LMOD1: variants seen among roughly 807,000 people sequenced by gnomAD.
LMOD1 encodes leiomodin 1, also known as leiomodin-1.
LMOD1 carries 8 observed loss-of-function variants against 36.5 expected under a neutral mutation model. That is an observed-to-expected ratio of 0.22 (90% CI 0.13 to 0.40). The LOEUF (loss-of-function observed/expected upper bound fraction) is 0.40, where lower values mean the gene tolerates loss of function less well. LMOD1 is among the 10% of genes least tolerant of loss of function. The pLI, the probability that LMOD1 is intolerant of heterozygous loss-of-function variation, is 1.00. For missense variants in LMOD1, 630 were observed against 751.1 expected, an observed-to-expected ratio of 0.84 and a Z score of 1.88; for synonymous variants, 284 against 288.7, an observed-to-expected ratio of 0.98 and a Z score of 0.17.
chr1:201,901,511 A>AAATATAT (rs1242266721), intron 1 of LMOD1, among the ~76,000 whole-genome samples: 1 of 75,226 alleles, frequency 1.3e-5, no homozygotes, highest in African/African-American at 7.3e-5. Context: ...TCAAAAAAAA[A>AAATATAT]ATATATATAT....
Position 201,896,627 on chromosome 1 carries a change from G to A in LMOD1, c.*1745C>T, listed in dbSNP as rs1681199721. Reference sequence around the variant, plus strand: ...CAGTGCCCAGCAGGCACAGGGGGGTGCAGTGGGACTGACAGTGAGGGCTGA... The same window carrying A: ...CAGTGCCCAGCAGGCACAGGGGGGTACAGTGGGACTGACAGTGAGGGCTGA... On this transcript the variant is annotated 3_prime_UTR_variant, in exon 3 of 3. Transcript: ENST00000367288. The A allele has an allele frequency of 2.2e-6, 1 of 456,778 alleles. No homozygotes were observed. The highest frequency in any genetic ancestry group is 1.5e-5 in the South Asian group (1 of 64,570). The allele number at this position is 456,778 out of a possible 1,614,324, so 28.3% of individuals were successfully genotyped here. A position where few individuals can be genotyped will look rare whatever the true frequency, so the allele number is the denominator to read the frequency against.
chr1:201,928,377 C>T (rs1681864287), intron 1 of LMOD1, among the ~76,000 whole-genome samples: 1 of 152,232 alleles, frequency 6.6e-6, no homozygotes, highest in African/African-American at 2.4e-5. Context: ...TTGCTCCAGC[C>T]TCACTACTTG....
chr1:201,928,224 C>T lies in LMOD1; in HGVS notation c.261+17856G>A, dbSNP rs952908057. Among the ~76,000 whole-genome samples the T allele has an allele frequency of 9.2e-5, 14 of 152,266 alleles. 1 individual carries two copies. Among genetic ancestry groups the T allele is most frequent in the Admixed American group, 8.5e-4 (13 of 15,296 alleles). ...CACAGTCTGTAGTATTTTTTTATAG[C>T]AGCACAAAATGGACTAAGACGGGGG... is the stretch of plus-strand genomic sequence containing the variant. On this transcript the variant is annotated intron_variant, in intron 1 of 2. Transcript: ENST00000367288.
At chr1:201,943,591 T>C (rs1412872457) in intron 1 of LMOD1, among the ~76,000 whole-genome samples, 3 of 152,124 alleles carry the variant, frequency 2.0e-5, no homozygotes, top group Non-Finnish European at 4.4e-5. Context: ...AACTGACAGG[T>C]GAGGCTTGCA....
At chr1:201,934,142 T>A (rs753649660) in intron 1 of LMOD1, among the ~76,000 whole-genome samples, 21 of 152,252 alleles carry the variant, frequency 1.4e-4, no homozygotes, top group Non-Finnish European at 2.9e-4. Context: ...GTCTGTTGAC[T>A]GTTCTCATGC....
intron 1 of LMOD1, among the ~76,000 whole-genome samples, chr1:201,940,192 T>TC (rs1203114340): frequency 6.8e-6 from 1 of 148,088 alleles, no homozygotes; most frequent in Admixed American, 6.7e-5. Context: ...TCTTTTTTTT[T>TC]TTTTTTTTTT....
In LMOD1 at chr1:201,933,595, TTATATATATA is replaced by T. The variant is rs71141426; in HGVS notation, c.261+12475_261+12484del. ...TTATATATGTACACATATACATACA[TTATATATATA>T]TATATATATATATATATATGGCAAG... On this transcript the variant is annotated intron_variant, in intron 1 of 2. Transcript: ENST00000367288. 2.2e-3 allele frequency among the ~76,000 whole-genome samples: 141 copies of T among 63,216 alleles called. 3 individuals are homozygous for T. Among genetic ancestry groups the T allele is most frequent in the African/African-American group, 5.3e-3 (114 of 21,512 alleles). 41.5% of individuals were successfully genotyped at this position (63,216 alleles called of 152,430 possible). A position where few individuals can be genotyped will look rare whatever the true frequency, so the allele number is the denominator to read the frequency against.
intron 1 of LMOD1, among the ~76,000 whole-genome samples, chr1:201,937,567 C>T (rs1682038369): frequency 6.6e-6 from 1 of 152,120 alleles, no homozygotes; most frequent in Non-Finnish European, 1.5e-5. Flanking sequence ...AGTTCGACAC[C>T]AGCCTGGGCA....
chr1:201,916,294 G>T (rs986389580), intron 1 of LMOD1, among the ~76,000 whole-genome samples: 1 of 152,014 alleles, frequency 6.6e-6, no homozygotes, highest in African/African-American at 2.4e-5. Flanking sequence ...GTGAGGGGAA[G>T]CTGGAGCCCA....
intron 1 of LMOD1, among the ~76,000 whole-genome samples, chr1:201,937,439 C>G (rs1682036531): frequency 1.3e-5 from 2 of 151,696 alleles, no homozygotes; most frequent in South Asian, 4.2e-4. Context: ...AGAGTAAGAT[C>G]CTGTCTCAAA....
intron 1 of LMOD1, among the ~76,000 whole-genome samples, chr1:201,912,294 C>T (rs530075506): frequency 2.4e-4 from 36 of 152,286 alleles, no homozygotes; most frequent in Middle Eastern, 3.4e-3. Flanking sequence ...TTTTACCCGG[C>T]CTCACTCTAC....
intron 1 of LMOD1, among the ~76,000 whole-genome samples, chr1:201,928,400 G>A (rs2102924860): frequency 6.6e-6 from 1 of 152,320 alleles, no homozygotes; most frequent in East Asian, 1.9e-4. Context: ...CGTCAGAAAG[G>A]CAAGTCTGTG....
intron 1 of LMOD1, among the ~76,000 whole-genome samples, chr1:201,925,732 G>A (rs1042831292): frequency 1.3e-5 from 2 of 151,150 alleles, no homozygotes; most frequent in Non-Finnish European, 2.9e-5. Flanking sequence ...TTGAGACAGG[G>A]TCTTCCTTTG....
chr1:201,900,528 C>T lies in LMOD1; in HGVS notation c.485G>A (p.Arg162Gln), dbSNP rs371494877. 14 of 1,613,858 alleles carry T rather than the reference C, an allele frequency of 8.7e-6. No individual in the cohort carries two copies. In the African/African-American group the frequency reaches 1.2e-4, roughly 14 times the overall value. Residue 162 changes from arginine (R) to glutamine (Q), a missense_variant, in exon 2 of 3, where the codon CGG (arginine) becomes CAG (glutamine). Coordinates refer to ENST00000367288, the MANE Select transcript of LMOD1 (RefSeq NM_012134.3). ...EKIIRGIDKG[R>Q]VRAAVDKKEA... ...CTTCTTATCCACTGCAGCCCTGACCCGGCCCTTGTCAATGCCCCGGATGAT... is the reference window on the plus strand; with the variant it reads ...CTTCTTATCCACTGCAGCCCTGACCTGGCCCTTGTCAATGCCCCGGATGAT...
At chr1:201,917,912 G>T (rs2102918324) in intron 1 of LMOD1, among the ~76,000 whole-genome samples, 1 of 152,318 alleles carries the variant, frequency 6.6e-6, no homozygotes, top group Non-Finnish European at 1.5e-5. Flanking sequence ...AACAGAAAAG[G>T]GTACATTGGC....
At position 201,946,319 on chromosome 1, in the gene LMOD1, G is replaced by T. The variant is rs1682212229; in HGVS notation, c.22C>A (p.Arg8Ser). 5.0e-6 allele frequency: 8 copies of T among 1,613,836 alleles called. No homozygotes were observed. In the Admixed American group the frequency reaches 1.3e-4, roughly 27 times the overall value. The change falls in exon 1 of 3, where the codon CGC becomes AGC. Residue 8 changes from arginine (R) to serine (S), a missense_variant. Physicochemically the swap from Arg to Ser is moderately radical, Grantham distance 110. Transcript: ENST00000367288. MSRVAKY[R>S]RQVSEDPDID... The stretch of plus-strand genomic sequence containing the variant: ...TCGGGGTCTTCACTCACCTGCCGGC[G>T]ATATTTGGCTACTCTAGACATCTTG...
intron 1 of LMOD1, among the ~76,000 whole-genome samples, chr1:201,912,951 G>A (rs1330810265): frequency 7.2e-5 from 11 of 152,126 alleles, no homozygotes; most frequent in Non-Finnish European, 1.3e-4. Context: ...ACCTGCTAAG[G>A]CCTGCAAACT....
chr1:201,906,662 C>T (rs532430953), intron 1 of LMOD1, among the ~76,000 whole-genome samples: 4 of 152,274 alleles, frequency 2.6e-5, no homozygotes, highest in Admixed American at 2.0e-4. Flanking sequence ...AGTCTCCTGC[C>T]GCATTCCATG....
At chr1:201,924,133 G>A (rs1192766211) in intron 1 of LMOD1, among the ~76,000 whole-genome samples, 12 of 150,788 alleles carry the variant, frequency 8.0e-5, no homozygotes, top group Non-Finnish European at 1.5e-4. Context: ...TGGCTAACAC[G>A]GTGAAACCCC....
Sources: gnomAD v4.1 joint callset for allele counts (sites outside exome capture counted in the v4.1 genomes callset) on GRCh38, gnomAD v4.1.1 for gene constraint, MANE v1.5 for transcripts, NCBI Gene and HGNC (gene_info 2026-07-23, HGNC 2026-07-21) for gene names.